ITPR2: variants seen among roughly 807,000 people sequenced by gnomAD.
The protein encoded by ITPR2 is inositol 1,4,5-trisphosphate receptor type 2.
Under a neutral mutation model 317.1 loss-of-function variants are expected in ITPR2, and 207 were observed. That is an observed-to-expected ratio of 0.65 (90% CI 0.58 to 0.73). The LOEUF (loss-of-function observed/expected upper bound fraction) is 0.73. Ranked by LOEUF, ITPR2 falls within the 30% of genes least tolerant of loss-of-function variation. ITPR2 has a pLI of 0.00. For synonymous variants in ITPR2, 1,156 were observed against 1,149.1 expected, an observed-to-expected ratio of 1.01 and a Z score of -0.12; for missense variants, 2,613 against 3,284.0, an observed-to-expected ratio of 0.80 and a Z score of 4.99.
intron 2 of ITPR2, among the ~76,000 whole-genome samples, chr12:26,750,334 T>C (rs1177189256): frequency 6.6e-6 from 1 of 152,144 alleles, no homozygotes; most frequent in Non-Finnish European, 1.5e-5. Context: ...ACTAGACATC[T>C]CTCTGAGGTC....
intron 21 of ITPR2, among the ~76,000 whole-genome samples, chr12:26,633,182 A>G (rs1946791999): frequency 6.6e-6 from 1 of 152,076 alleles, no homozygotes; most frequent in South Asian, 2.1e-4. Flanking sequence ...AAGAATGTAA[A>G]CCATGGTAAT....
In ITPR2 at chr12:26,340,179, C is replaced by G; in HGVS notation, c.8007G>C (p.Glu2669Asp). The G allele has an allele frequency of 6.2e-7, 1 of 1,604,352 alleles. No individual in the cohort carries two copies. Among genetic ancestry groups the G allele is most frequent in the Non-Finnish European group, 8.5e-7 (1 of 1,175,648 alleles). ...TGAATGCACCCACCTGCTCCTTGAGCTCCGCCAGCTGACCCGACAGCTGTT... is the reference window on the plus strand; with the variant it reads ...TGAATGCACCCACCTGCTCCTTGAGGTCCGCCAGCTGACCCGACAGCTGTT... ...LVKQLSGQLA[E>D]LKEQMTEQRK... The change falls in exon 56 of 57, where the codon GAG becomes GAC. Residue 2669 changes from glutamate to aspartate, a missense_variant. Glu to Asp is a conservative substitution (Grantham distance 45). Coordinates refer to ENST00000381340, the MANE Select transcript of ITPR2 (RefSeq NM_002223.4).
At position 26,419,495 on chromosome 12, in the gene ITPR2, A is replaced by AAG. The variant is rs1940823033; in HGVS notation, c.6946-284_6946-283dup. On this transcript the variant is annotated intron_variant, in intron 49 of 56. Transcript: ENST00000381340. ...CAGTTCCAGGAAGAGAGAGAATGGT[A>AAG]AGAGACTATGCAATCAAGACAGGTC... The AAG allele has an allele frequency of 1.9e-5, 5 of 269,108 alleles. No homozygotes were observed. The South Asian group carries it at 2.6e-4, about 14-fold the overall frequency. The allele number at this position is 269,108 out of a possible 1,614,324, so 16.7% of individuals were successfully genotyped here.
At chr12:26,698,098 G>T (rs1948384194) in intron 9 of ITPR2, among the ~76,000 whole-genome samples, 1 of 152,134 alleles carries the variant, frequency 6.6e-6, no homozygotes, top group Admixed American at 6.5e-5. Flanking sequence ...TCAAATGGAA[G>T]AGAGAATAAG....
chr12:26,481,560 A>G lies in ITPR2; in HGVS notation c.6013-319T>C, dbSNP rs141903789. ...TCCATTCAATAAACTTTAATATACC[A>G]ATCAACAGAGGAGATCTTTAAGGTC... On this transcript the variant is annotated intron_variant, in intron 42 of 56. Coordinates refer to ENST00000381340, the MANE Select transcript of ITPR2 (RefSeq NM_002223.4). 2.1e-3 allele frequency among the ~76,000 whole-genome samples: 318 copies of G among 152,332 alleles called. 4 individuals carry two copies. Among genetic ancestry groups the G allele is most frequent in the African/African-American group, 6.9e-3 (288 of 41,568 alleles).
intron 34 of ITPR2, among the ~76,000 whole-genome samples, chr12:26,572,509 T>G (rs974650909): frequency 6.6e-6 from 1 of 152,206 alleles, no homozygotes; most frequent in African/African-American, 2.4e-5. Flanking sequence ...AAAAAGCAAC[T>G]GAGGTGCTGC....
At chr12:26,466,268 C>A (rs1354874893) in intron 45 of ITPR2, among the ~76,000 whole-genome samples, 2 of 152,148 alleles carry the variant, frequency 1.3e-5, no homozygotes, top group African/African-American at 4.8e-5. Flanking sequence ...TGGTTCTGTC[C>A]ACTGTGTTGT....
chr12:26,515,998 C>T (rs1943479186), intron 37 of ITPR2, among the ~76,000 whole-genome samples: 1 of 150,926 alleles, frequency 6.6e-6, no homozygotes, highest in Non-Finnish European at 1.5e-5. Flanking sequence ...GTGTCATGAG[C>T]ATGTAATCCC....
intron 34 of ITPR2, among the ~76,000 whole-genome samples, chr12:26,568,008 A>ATATATATATATATATTATATATAT (rs1945049782): frequency 7.3e-4 from 4 of 5,494 alleles, no homozygotes; most frequent in Non-Finnish European, 6.3e-3. Context: ...TATATATATT[A>ATATATATATATATATTATATATAT]TATATATATA....
chr12:26,784,854 G>T (rs1461726598), intron 2 of ITPR2, among the ~76,000 whole-genome samples: 2 of 138,064 alleles, frequency 1.4e-5, no homozygotes, highest in African/African-American at 5.2e-5. Context: ...TCTGGAAGGT[G>T]AGGAGCGTCT....
chr12:26,809,972 C>A lies in ITPR2; in HGVS notation c.93-19745G>T, dbSNP rs1308683619. Among the ~76,000 whole-genome samples the A allele has an allele frequency of 3.3e-5, 5 of 152,332 alleles. No homozygotes were observed. In the East Asian group the frequency reaches 9.6e-4, roughly 29 times the overall value. ...TACATCCATTAGAAGACAAACAATTCTTCAACTGTGTGTTGTTTCTGGATT... is the reference window on the plus strand; with the variant it reads ...TACATCCATTAGAAGACAAACAATTATTCAACTGTGTGTTGTTTCTGGATT... On this transcript the variant is annotated intron_variant, in intron 1 of 56. Transcript: ENST00000381340.
At chr12:26,664,769 TA>T (rs1947584822) in intron 14 of ITPR2, among the ~76,000 whole-genome samples, 1 of 152,148 alleles carries the variant, frequency 6.6e-6, no homozygotes, top group Admixed American at 6.6e-5. Flanking sequence ...TCCAAGGTCC[TA>T]AAAGTCTTTG....
intron 39 of ITPR2, among the ~76,000 whole-genome samples, chr12:26,488,086 G>A (rs1168904665): frequency 6.6e-6 from 1 of 152,136 alleles, no homozygotes; most frequent in African/African-American, 2.4e-5. Flanking sequence ...GCAGTAGGAG[G>A]TAGGAAAGAT....
At position 26,783,778 on chromosome 12, in the gene ITPR2, A is replaced by C. The variant is rs1191033516; in HGVS notation, c.163+6379T>G. Among the ~76,000 whole-genome samples, 7 of 152,302 alleles carry C rather than the reference A, an allele frequency of 4.6e-5. No individual in the cohort carries two copies. The East Asian group carries it at 1.4e-3, about 29-fold the overall frequency. The stretch of plus-strand genomic sequence containing the variant: ...TACATAACGTCTGTGGTAGTCTCAA[A>C]ATTTTAACTCCAGTCCAACCATGAC... On this transcript the variant is annotated intron_variant, in intron 2 of 56. Transcript: ENST00000381340.
At chr12:26,685,141 C>T (rs1948103016) in intron 11 of ITPR2, among the ~76,000 whole-genome samples, 1 of 152,182 alleles carries the variant, frequency 6.6e-6, no homozygotes, top group Non-Finnish European at 1.5e-5. Flanking sequence ...TCACCACTGC[C>T]ATCTGCCAAG....
At chr12:26,581,154 C>A (rs967527663) in intron 32 of ITPR2, among the ~76,000 whole-genome samples, 2 of 152,036 alleles carry the variant, frequency 1.3e-5, no homozygotes, top group Non-Finnish European at 2.9e-5. Context: ...GGTGCTTAAC[C>A]AAAAGAATAA....
Position 26,618,126 on chromosome 12 carries a change from C to G in ITPR2, c.3462+2997G>C, listed in dbSNP as rs148323308. On this transcript the variant is annotated intron_variant, in intron 26 of 56. Transcript: ENST00000381340. Reference sequence around the variant, plus strand: ...TAAAGGGTATCTATAAAAGAATGTACAGTAAACATTATGTTCAATAGTGAA... The same window carrying G: ...TAAAGGGTATCTATAAAAGAATGTAGAGTAAACATTATGTTCAATAGTGAA... Among the ~76,000 whole-genome samples the G allele has an allele frequency of 5.2e-3, 794 of 152,070 alleles. 4 individuals are homozygous for G. The highest frequency in any genetic ancestry group is 0.018 in the African/African-American group (747 of 41,468).
At chr12:26,516,539 AG>A (rs1943524688) in intron 37 of ITPR2, among the ~76,000 whole-genome samples, 1 of 152,156 alleles carries the variant, frequency 6.6e-6, no homozygotes, top group African/African-American at 2.4e-5. Flanking sequence ...TAAAGGGGAA[AG>A]GAAAGGTGAG....
In ITPR2 at chr12:26,703,616, C is replaced by T. The variant is rs372888748; in HGVS notation, c.951+7557G>A. ...TAAAAATGTCTCTAGACATTGCCAT[C>T]GTTACCCTCAGTTGAAAGCATTCAT... On this transcript the variant is annotated intron_variant, in intron 9 of 56. Transcript: ENST00000381340. 5.9e-5 allele frequency among the ~76,000 whole-genome samples: 9 copies of T among 152,190 alleles called. No individual in the cohort carries two copies. The East Asian group carries it at 7.7e-4, about 13-fold the overall frequency.
Sources: allele counts gnomAD v4.1 joint callset (sites outside exome capture counted in the v4.1 genomes callset), GRCh38; gene constraint gnomAD v4.1.1; transcripts MANE v1.5; gene names NCBI Gene and HGNC (gene_info 2026-07-23, HGNC 2026-07-21).